ADAM11: variants seen among roughly 807,000 people sequenced by gnomAD.
ADAM11 encodes ADAM metallopeptidase domain 11, also known as disintegrin and metalloproteinase domain-containing protein 11.
A neutral mutation model predicts 119.1 loss-of-function variants in ADAM11; 49 were observed. That is an observed-to-expected ratio of 0.41 (90% CI 0.33 to 0.52). The LOEUF is 0.52. Among genes scored for constraint, ADAM11 ranks in the 20% least tolerant of loss-of-function variants. ADAM11 has a pLI of 0.20. For missense variants in ADAM11, 777 were observed against 1,047.5 expected (o/e 0.74, Z 3.56); for synonymous variants, 364 against 408.0 (o/e 0.89, Z 1.30).
chr17:44,770,498 C>G (rs1484908143), intron 4 of ADAM11, among the ~76,000 whole-genome samples: 2 of 13,990 alleles, frequency 1.4e-4, no homozygotes, highest in East Asian at 6.9e-3. Flanking sequence ...TCCCCCCCCC[C>G]CGCCCCCACT....
chr17:44,776,828 G>C lies in ADAM11; in HGVS notation c.1617+33G>C. ...GGCTGCCCCCTGAGCCTGGGATTCAGGGCAGTCTCTTGTCTCCACTCTGAC... is the reference window on the plus strand; with the variant it reads ...GGCTGCCCCCTGAGCCTGGGATTCACGGCAGTCTCTTGTCTCCACTCTGAC... On this transcript the variant is annotated intron_variant, in intron 19 of 26. Transcript: ENST00000200557. The surrounding 1 kb of genome is among the most constrained non-coding windows in gnomAD (Gnocchi z 5.2). The C allele has an allele frequency of 1.2e-6, 2 of 1,614,108 alleles. No individual in the cohort carries two copies. The highest frequency in any genetic ancestry group is 1.7e-6 in the Non-Finnish European group (2 of 1,179,974).
At position 44,777,071 on chromosome 17, in the gene ADAM11, T is replaced by TCTCCCCACA; in HGVS notation, c.1682-92_1682-91insCCCACACTC. On this transcript the variant is annotated intron_variant, in intron 20 of 26. Coordinates refer to ENST00000200557, the MANE Select transcript of ADAM11 (RefSeq NM_002390.6). This position sits in a 1 kb window ranked among gnomAD's most constrained non-coding sequence, Gnocchi z 5.1. ...CCCCCAAGTGTGTAGCTCCCCAGGA[T>TCTCCCCACA]CTCAGGGACCCAGGCAGAGTGTGGG... is the stretch of plus-strand genomic sequence containing the variant. 1 of 1,542,374 alleles carries TCTCCCCACA rather than the reference T, an allele frequency of 6.5e-7. No homozygotes were observed. The highest frequency in any genetic ancestry group is 8.8e-7 in the Non-Finnish European group (1 of 1,136,932).
In ADAM11 at chr17:44,775,101, C is replaced by T; in HGVS notation, c.1221-111C>T. 2 of 936,508 alleles carry T rather than the reference C, an allele frequency of 2.1e-6. No individual in the cohort carries two copies. The highest frequency in any genetic ancestry group is 3.4e-6 in the Non-Finnish European group (2 of 596,366). 58.0% of individuals were successfully genotyped at this position (936,508 alleles called of 1,614,324 possible). A position where few individuals can be genotyped will look rare whatever the true frequency, so the allele number is the denominator to read the frequency against. ...GTGCAATCCCGGGGCAGATCCTCCGCCTCCTCGCGATGGTGACGAAGTCCC... is the reference window on the plus strand; with the variant it reads ...GTGCAATCCCGGGGCAGATCCTCCGTCTCCTCGCGATGGTGACGAAGTCCC... On this transcript the variant is annotated intron_variant, in intron 14 of 26. Coordinates refer to ENST00000200557, the MANE Select transcript of ADAM11 (RefSeq NM_002390.6). The surrounding 1 kb of genome is among the most constrained non-coding windows in gnomAD (Gnocchi z 7.5).
chr17:44,765,343 G>A (rs956600398), intron 2 of ADAM11, among the ~76,000 whole-genome samples: 2 of 152,084 alleles, frequency 1.3e-5, no homozygotes, highest in African/African-American at 4.8e-5. Context: ...CTTGCGGGAG[G>A]GGATTCCAGA....
rs11650853 is a variant in ADAM11 at position 44,776,550 on chromosome 17, C to G, written c.1567-195C>G. 0.17 allele frequency among the ~76,000 whole-genome samples: 25,209 copies of G among 152,106 alleles called. 2,161 individuals carry two copies. The highest frequency in any genetic ancestry group is 0.25 in the South Asian group (1,201 of 4,818). On this transcript the variant is annotated intron_variant, in intron 18 of 26. Coordinates refer to ENST00000200557, the MANE Select transcript of ADAM11 (RefSeq NM_002390.6). The surrounding 1 kb of genome is among the most constrained non-coding windows in gnomAD (Gnocchi z 5.2). Reference sequence around the variant, plus strand: ...CTCCCAGCCCTACGAGGGAGGGAGGCTGGAGCGGCTCTGGGGCTTGCAAAT... The same window carrying G: ...CTCCCAGCCCTACGAGGGAGGGAGGGTGGAGCGGCTCTGGGGCTTGCAAAT...
chr17:44,764,679 G>A (rs533130427), intron 2 of ADAM11, among the ~76,000 whole-genome samples: 22 of 152,286 alleles, frequency 1.4e-4, no homozygotes, highest in African/African-American at 5.3e-4. Flanking sequence ...TTCTGACTGT[G>A]TGACCTGAGC....
Position 44,775,765 on chromosome 17 carries a change from C to T in ADAM11, c.1485+89C>T. On this transcript the variant is annotated intron_variant, in intron 17 of 26. Transcript: ENST00000200557. This position sits in a 1 kb window ranked among gnomAD's most constrained non-coding sequence, Gnocchi z 7.5. ...AAGGGGTGGGAGCTAGGGAGGGAAG[C>T]GGAGCCTTCGGGGACGAAGGCCTCT... 8 of 1,353,970 alleles carry T rather than the reference C, an allele frequency of 5.9e-6. No homozygotes were observed. Among genetic ancestry groups the T allele is most frequent in the East Asian group, 2.5e-5 (1 of 39,748 alleles). The allele number at this position is 1,353,970 out of a possible 1,614,324, so 83.9% of individuals were successfully genotyped here.
chr17:44,760,256 G>A (rs1207276946), intron 2 of ADAM11, among the ~76,000 whole-genome samples: 1 of 152,230 alleles, frequency 6.6e-6, no homozygotes, highest in African/African-American at 2.4e-5. Flanking sequence ...GCAGGGAGAG[G>A]CAGCCCAGAT....
At position 44,778,044 on chromosome 17, in the gene ADAM11, G is replaced by A; in HGVS notation, c.2163G>A (p.Thr721=). 2 of 1,613,368 alleles carry A rather than the reference G, an allele frequency of 1.2e-6. No individual in the cohort carries two copies. The highest frequency in any genetic ancestry group is 2.2e-5 in the South Asian group (2 of 90,928). The change falls in exon 24 of 27, where the codon ACG becomes ACA. Residue 721 remains threonine (T), a synonymous_variant. Coordinates refer to ENST00000200557, the MANE Select transcript of ADAM11 (RefSeq NM_002390.6). ...IHNPLPTSPP[T]GETERYKGPS... The stretch of plus-strand genomic sequence containing the variant: ...ACCCCCTGCCCACGTCCCCACCCAC[G>A]GGGGAGACGGAGAGATATAAAGGTG...
intron 14 of ADAM11, 113 bp downstream of exon 14, chr17:44,774,862 T>C (rs1289499609): frequency 1.5e-6 from 2 of 1,320,564 alleles, no homozygotes; most frequent in East Asian, 4.9e-5. Context: ...ACAGAACCAC[T>C]CAGGATCCCA....
In ADAM11 at chr17:44,777,082, C is replaced by T. The variant is rs1045017962; in HGVS notation, c.1682-84C>T. ...GTAGCTCCCCAGGATCTCAGGGACC[C>T]AGGCAGAGTGTGGGAGATGCAGGCC... On this transcript the variant is annotated intron_variant, in intron 20 of 26. Coordinates refer to ENST00000200557, the MANE Select transcript of ADAM11 (RefSeq NM_002390.6). The surrounding 1 kb of genome is among the most constrained non-coding windows in gnomAD (Gnocchi z 5.1). 36 of 1,541,576 alleles carry T rather than the reference C, an allele frequency of 2.3e-5. No homozygotes were observed. Among genetic ancestry groups the T allele is most frequent in the Non-Finnish European group, 2.9e-5 (33 of 1,137,006 alleles).
chr17:44,778,194 C>T lies in ADAM11; in HGVS notation c.2228C>T (p.Ala743Val). The change falls in exon 25 of 27, where the codon GCT (alanine) becomes GTT (valine). Residue 743 changes from alanine to valine, a missense_variant. Transcript: ENST00000200557. ...ATCATCATTGGCTCCATTGCTGGGG[C>T]TGTCCTGGTTGCAGCCATCGTCCTG... ...TNIIIGSIAG[A>V]VLVAAIVLGG... The T allele has an allele frequency of 6.2e-7, 1 of 1,613,828 alleles. No individual in the cohort carries two copies. Among genetic ancestry groups the T allele is most frequent in the Non-Finnish European group, 8.5e-7 (1 of 1,179,858 alleles).
At chr17:44,770,617 A>G (rs771132918) in intron 4 of ADAM11, among the ~76,000 whole-genome samples, 1 of 152,060 alleles carries the variant, frequency 6.6e-6, no homozygotes, top group African/African-American at 2.4e-5. Context: ...AGGAGGACAC[A>G]TGCTGCCCAT....
intron 2 of ADAM11, among the ~76,000 whole-genome samples, chr17:44,763,402 G>A (rs1179174870): frequency 1.3e-5 from 2 of 152,218 alleles, no homozygotes; most frequent in South Asian, 2.1e-4. Flanking sequence ...CTCTTGCTCA[G>A]GGCTGAAGGG....
Position 44,781,484 on chromosome 17 carries a change from C to G in ADAM11, c.*1730C>G, listed in dbSNP as rs576549197. On this transcript the variant is annotated 3_prime_UTR_variant, in exon 27 of 27. Coordinates refer to ENST00000200557, the MANE Select transcript of ADAM11 (RefSeq NM_002390.6). ...TGCTGCGCTGCCTTAAGGCATCTGT[C>G]CTCTGGTGGTGCACCCGTGCACACA... The G allele has an allele frequency of 6.6e-6, 1 of 152,458 alleles. No homozygotes were observed. Among genetic ancestry groups the G allele is most frequent in the East Asian group, 1.9e-4 (1 of 5,186 alleles). 9.4% of individuals were successfully genotyped at this position (152,458 alleles called of 1,614,324 possible).
At position 44,779,243 on chromosome 17, in the gene ADAM11, C is replaced by A. The variant is rs767388299; in HGVS notation, c.2294+4C>A. ...GCAGAAACATTCGCCGAGGAAGGTA[C>A]GACCCGACCCAGCAGGGGGCAGTGT... On this transcript the variant is annotated splice_donor_region_variant and intron_variant, in intron 26 of 26. Coordinates refer to ENST00000200557, the MANE Select transcript of ADAM11 (RefSeq NM_002390.6). 1 of 1,581,038 alleles carries A rather than the reference C, an allele frequency of 6.3e-7. No individual in the cohort carries two copies. The highest frequency in any genetic ancestry group is 8.6e-7 in the Non-Finnish European group (1 of 1,167,464).
chr17:44,774,856 AACC>A, intron 14 of ADAM11, 107 bp downstream of exon 14: 2 of 1,365,402 alleles, frequency 1.5e-6, no homozygotes, highest in Non-Finnish European at 2.0e-6. Flanking sequence ...CAGCTCACAG[AACC>A]ACTCAGGATC....
At chr17:44,770,864 C>G (rs1362955428) in intron 4 of ADAM11, among the ~76,000 whole-genome samples, 1 of 152,198 alleles carries the variant, frequency 6.6e-6, no homozygotes, top group Non-Finnish European at 1.5e-5. Context: ...CTCCTATAAT[C>G]CCATCACTGG....
rs2049595850 is a variant in ADAM11, at chr17:44,775,995, G to C, written c.1486-132G>C. 2.8e-6 allele frequency: 3 copies of C among 1,067,568 alleles called. No individual in the cohort carries two copies. In the East Asian group the frequency reaches 7.2e-5, roughly 26 times the overall value. 66.1% of individuals were successfully genotyped at this position (1,067,568 alleles called of 1,614,324 possible). A position where few individuals can be genotyped will look rare whatever the true frequency, so the allele number is the denominator to read the frequency against. On this transcript the variant is annotated intron_variant, in intron 17 of 26. Transcript: ENST00000200557. This position sits in a 1 kb window ranked among gnomAD's most constrained non-coding sequence, Gnocchi z 7.5. ...AGAGGTGGTGGGAGCAGGGAAATAAGAACAGGCCTGAAACGGGGCCCTGGG... is the reference window on the plus strand; with the variant it reads ...AGAGGTGGTGGGAGCAGGGAAATAACAACAGGCCTGAAACGGGGCCCTGGG...
Sources: gnomAD v4.1 joint callset for allele counts (sites outside exome capture counted in the v4.1 genomes callset) on GRCh38, gnomAD v4.1.1 for gene constraint, Gnocchi (gnomAD v3.1) non-coding constraint, MANE v1.5 for transcripts, NCBI Gene and HGNC (gene_info 2026-07-23, HGNC 2026-07-21) for gene names.